KCNAB1: variants seen among roughly 807,000 people sequenced by gnomAD.
KCNAB1 encodes voltage-gated potassium channel subunit beta-1.
KCNAB1 carries 35 observed loss-of-function variants against 64.6 expected under a neutral mutation model. That is an observed-to-expected ratio of 0.54 (90% CI 0.41 to 0.72). The LOEUF (loss-of-function observed/expected upper bound fraction) is 0.72. KCNAB1 is among the 30% of genes least tolerant of loss of function. KCNAB1 has a pLI of 0.00. For missense variants in KCNAB1, 401 were observed against 512.9 expected (o/e 0.78, Z 2.11); for synonymous variants, 177 against 183.8 (o/e 0.96, Z 0.30).
intron 7 of KCNAB1, among the ~76,000 whole-genome samples, chr3:156,468,896 T>A (rs1018434861): frequency 5.9e-5 from 9 of 152,246 alleles, no homozygotes; most frequent in Non-Finnish European, 1.2e-4. Context: ...CTCAAAGCTG[T>A]TACTGCCCTA....
At chr3:156,311,578 G>A (rs376136374) in intron 1 of KCNAB1, among the ~76,000 whole-genome samples, 44 of 152,146 alleles carry the variant, frequency 2.9e-4, no homozygotes, top group African/African-American at 1.0e-3. Flanking sequence ...GCACCCATGC[G>A]CAGACCTGGG....
chr3:156,526,309 C>T (rs901382060), intron 12 of KCNAB1, among the ~76,000 whole-genome samples: 1 of 152,120 alleles, frequency 6.6e-6, no homozygotes, highest in East Asian at 1.9e-4. Flanking sequence ...GTGTCCCTGT[C>T]GCTATGGGAT....
chr3:156,127,889 G>A (rs1441891510), intron 1 of KCNAB1, among the ~76,000 whole-genome samples: 1 of 127,028 alleles, frequency 7.9e-6, no homozygotes, highest in African/African-American at 2.7e-5. Context: ...TTTGGGGTGT[G>A]TGTGTGTGTG....
chr3:156,502,267 C>T (rs1041422261), intron 8 of KCNAB1, among the ~76,000 whole-genome samples: 1 of 152,114 alleles, frequency 6.6e-6, no homozygotes, highest in African/African-American at 2.4e-5. Context: ...AGGACATGCC[C>T]TATCACAGTA....
intron 1 of KCNAB1, among the ~76,000 whole-genome samples, chr3:156,315,782 C>G (rs1201719587): frequency 6.6e-6 from 1 of 152,078 alleles, no homozygotes; most frequent in Non-Finnish European, 1.5e-5. Context: ...TCTTGTTACA[C>G]AGAGAACTGA....
chr3:156,275,043 C>A (rs1417402012), intron 1 of KCNAB1, among the ~76,000 whole-genome samples: 3 of 152,140 alleles, frequency 2.0e-5, no homozygotes, highest in Non-Finnish European at 4.4e-5. Context: ...AGGCTCCTGG[C>A]AACCATCATT....
chr3:156,266,572 A>G (rs1000946417), intron 1 of KCNAB1, among the ~76,000 whole-genome samples: 1 of 152,328 alleles, frequency 6.6e-6, no homozygotes, highest in African/African-American at 2.4e-5. Flanking sequence ...TCTTTACTAG[A>G]GGCCAACTAT....
intron 1 of KCNAB1, among the ~76,000 whole-genome samples, chr3:156,214,079 CG>C (rs1715170311): frequency 6.6e-6 from 1 of 152,202 alleles, no homozygotes; most frequent in Non-Finnish European, 1.5e-5. Context: ...CCCAACTCCA[CG>C]GGGACAGATA....
intron 1 of KCNAB1, among the ~76,000 whole-genome samples, chr3:156,148,529 C>T (rs1384006739): frequency 1.3e-5 from 2 of 152,206 alleles, no homozygotes; most frequent in African/African-American, 4.8e-5. Flanking sequence ...CAATATGCTA[C>T]TTAATCTTGT....
chr3:156,212,619 CT>C (rs1365207119), intron 1 of KCNAB1, among the ~76,000 whole-genome samples: 2 of 152,180 alleles, frequency 1.3e-5, no homozygotes, highest in African/African-American at 4.8e-5. Context: ...AAGGATGACA[CT>C]TCTGACTCCT....
chr3:156,148,696 C>A (rs1176760154), intron 1 of KCNAB1, among the ~76,000 whole-genome samples: 1 of 152,164 alleles, frequency 6.6e-6, no homozygotes, highest in African/African-American at 2.4e-5. Context: ...TCCTTTTTAA[C>A]CAATCCTAGT....
At chr3:156,334,443 A>G (rs1417727646) in intron 1 of KCNAB1, among the ~76,000 whole-genome samples, 2 of 147,344 alleles carry the variant, frequency 1.4e-5, no homozygotes, top group Admixed American at 1.3e-4. Flanking sequence ...TACTTGCAGA[A>G]TGCTCTTGAG....
At chr3:156,437,637 A>T (rs6763879) in intron 2 of KCNAB1, among the ~76,000 whole-genome samples, 195 of 152,242 alleles carry the variant, frequency 1.3e-3, no homozygotes, top group African/African-American at 3.6e-3. Context: ...TTTCACATTT[A>T]AAAAAATTCT....
At chr3:156,360,604 C>A (rs1341665611) in intron 1 of KCNAB1, among the ~76,000 whole-genome samples, 1 of 151,962 alleles carries the variant, frequency 6.6e-6, no homozygotes, top group African/African-American at 2.4e-5. Flanking sequence ...GTCCTGGCAG[C>A]TCATGAGGCT....
intron 3 of KCNAB1, 138 bp downstream of exon 3, chr3:156,453,074 G>A: frequency 1.9e-6 from 1 of 530,054 alleles, no homozygotes. Context: ...TTGACTCAGA[G>A]ATTATTGTTG....
At chr3:156,140,347 C>A (rs1437939855) in intron 1 of KCNAB1, among the ~76,000 whole-genome samples, 1 of 152,156 alleles carries the variant, frequency 6.6e-6, no homozygotes, top group African/African-American at 2.4e-5. Context: ...TTAAACAATG[C>A]ACATTAATTT....
chr3:156,198,913 ATTTTTTTT>A (rs71138701), intron 1 of KCNAB1, among the ~76,000 whole-genome samples: 3 of 21,292 alleles, frequency 1.4e-4, no homozygotes, highest in African/African-American at 4.8e-4. Context: ...TTATATTTTG[ATTTTTTTT>A]TTTTTTTTTT....
At chr3:156,290,965 A>G (rs534925171) in intron 1 of KCNAB1, 1 of 985,446 alleles carries the variant, frequency 1.0e-6, no homozygotes, top group Non-Finnish European at 1.2e-6. Context: ...TCAGCAAGCC[A>G]GTCACAGAGT....
chr3:156,260,656 C>T (rs1360352531), intron 1 of KCNAB1, among the ~76,000 whole-genome samples: 2 of 152,122 alleles, frequency 1.3e-5, no homozygotes, highest in East Asian at 3.8e-4. Context: ...TTTTGCTTTT[C>T]CATTTGCCAT....
Sources: allele counts gnomAD v4.1 joint callset (sites outside exome capture counted in the v4.1 genomes callset), GRCh38; gene constraint gnomAD v4.1.1; transcripts MANE v1.5; gene names NCBI Gene and HGNC (gene_info 2026-07-23, HGNC 2026-07-21).